The following ARHGAP15 variants were observed in gnomAD, a reference collection of about 807,000 sequenced individuals.
ARHGAP15 encodes Rho GTPase activating protein 15, also known as rho GTPase-activating protein 15.
ARHGAP15 carries 51 observed loss-of-function variants against 63.7 expected under a neutral mutation model. That is an observed-to-expected ratio of 0.80 (90% CI 0.64 to 1.01). The LOEUF is 1.01. Ranked by LOEUF, ARHGAP15 falls within the 50% of genes least tolerant of loss-of-function variation. The probability of loss-of-function intolerance (pLI) is 0.00; values close to 1 mark genes in which losing one functional copy is unlikely to be tolerated. For synonymous variants in ARHGAP15, 191 were observed against 193.8 expected, an observed-to-expected ratio of 0.99 and a Z score of 0.12; for missense variants, 560 against 564.6, an observed-to-expected ratio of 0.99 and a Z score of 0.08.
intron 2 of ARHGAP15, among the ~76,000 whole-genome samples, chr2:143,181,940 C>T (rs1045945021): frequency 3.0e-5 from 3 of 99,854 alleles, no homozygotes; most frequent in Non-Finnish European, 5.7e-5. Context: ...TAATTTCTAG[C>T]TTTTGATTTT....
Position 143,315,532 on chromosome 2 carries a change from G to A in ARHGAP15, c.474+64932G>A, listed in dbSNP as rs191272050. Among the ~76,000 whole-genome samples, 697 of 151,234 alleles carry A rather than the reference G, an allele frequency of 4.6e-3. 1 individual carries two copies. The highest frequency in any genetic ancestry group is 7.6e-3 in the Non-Finnish European group (510 of 67,436). ...AGAATACTAACTGTATTGCCAAGGA[G>A]TGGGACACAGCTGTCTGTATTTTAT... On this transcript the variant is annotated intron_variant, in intron 6 of 13. Coordinates refer to ENST00000295095, the MANE Select transcript of ARHGAP15 (RefSeq NM_018460.4).
At position 143,322,423 on chromosome 2, in the gene ARHGAP15, C is replaced by G. The variant is rs547001187; in HGVS notation, c.474+71823C>G. The stretch of plus-strand genomic sequence containing the variant: ...TTCTCGGTAACTCTCTAGAGCCCAC[C>G]GTAAGTAGCTTGTGAAATGAATGGC... On this transcript the variant is annotated intron_variant, in intron 6 of 13. Transcript: ENST00000295095. Among the ~76,000 whole-genome samples, 7 of 151,838 alleles carry G rather than the reference C, an allele frequency of 4.6e-5. No homozygotes were observed. The South Asian group carries it at 1.5e-3, about 32-fold the overall frequency.
chr2:143,698,122 A>C (rs576782502), intron 12 of ARHGAP15, among the ~76,000 whole-genome samples: 2 of 152,282 alleles, frequency 1.3e-5, no homozygotes, highest in East Asian at 3.9e-4. Context: ...TACTGGGATA[A>C]ACTGGTCTTT....
At chr2:143,626,665 C>T (rs1300609748) in intron 12 of ARHGAP15, among the ~76,000 whole-genome samples, 4 of 152,128 alleles carry the variant, frequency 2.6e-5, no homozygotes, top group Non-Finnish European at 4.4e-5. Flanking sequence ...ATCCTCCCCG[C>T]GATTGGCTAC....
intron 6 of ARHGAP15, among the ~76,000 whole-genome samples, chr2:143,322,423 C>T (rs547001187): frequency 2.0e-5 from 3 of 151,838 alleles, no homozygotes; most frequent in Non-Finnish European, 4.4e-5. Context: ...TAGAGCCCAC[C>T]GTAAGTAGCT....
chr2:143,155,890 C>A (rs1300912150), intron 2 of ARHGAP15, among the ~76,000 whole-genome samples: 18 of 151,728 alleles, frequency 1.2e-4, no homozygotes, highest in Non-Finnish European at 7.4e-5. Flanking sequence ...TGAAGAGCAC[C>A]TTTGACTCAT....
chr2:143,139,796 G>T (rs1444747491), intron 1 of ARHGAP15, among the ~76,000 whole-genome samples: 1 of 152,066 alleles, frequency 6.6e-6, no homozygotes, highest in Admixed American at 6.6e-5. Context: ...TACAGAGATA[G>T]TAGTGGTATT....
At chr2:143,712,404 A>G (rs1305768860) in intron 13 of ARHGAP15, among the ~76,000 whole-genome samples, 1 of 152,190 alleles carries the variant, frequency 6.6e-6, no homozygotes, top group African/African-American at 2.4e-5. Context: ...CCAGTCAAGG[A>G]TAAGATATAT....
At chr2:143,539,591 G>A (rs534262621) in intron 10 of ARHGAP15, among the ~76,000 whole-genome samples, 98 of 152,124 alleles carry the variant, frequency 6.4e-4, no homozygotes, top group African/African-American at 2.1e-3. Context: ...CTTTGTTCTC[G>A]TTGGTTTCAA....
In ARHGAP15 at chr2:143,391,527, G is replaced by A. The variant is rs76745352; in HGVS notation, c.475-44074G>A. Among the ~76,000 whole-genome samples, 44 of 152,160 alleles carry A rather than the reference G, an allele frequency of 2.9e-4. No homozygotes were observed. The East Asian group carries it at 8.3e-3, about 29-fold the overall frequency. ...TGGGGAGCCTGCCTTCAGTCTGGAG[G>A]CCAGTTATTAAGCAAGCACTTAACT... On this transcript the variant is annotated intron_variant, in intron 6 of 13. Coordinates refer to ENST00000295095, the MANE Select transcript of ARHGAP15 (RefSeq NM_018460.4).
intron 13 of ARHGAP15, among the ~76,000 whole-genome samples, chr2:143,738,821 G>A (rs189419414): frequency 1.6e-4 from 24 of 152,236 alleles, no homozygotes; most frequent in Non-Finnish European, 2.9e-5. Context: ...CAGGTTAAAT[G>A]TCCTTAACGC....
chr2:143,181,535 A>G lies in ARHGAP15; in HGVS notation c.166-20599A>G, dbSNP rs555829493. Among the ~76,000 whole-genome samples, 4 of 152,392 alleles carry G rather than the reference A, an allele frequency of 2.6e-5. No individual in the cohort carries two copies. The South Asian group carries it at 8.3e-4, about 32-fold the overall frequency. ...GATAACTTGCTGCAGCTTCTACAACAGCACTTTCAGCTTCACCTTGTACTT... is the reference window on the plus strand; with the variant it reads ...GATAACTTGCTGCAGCTTCTACAACGGCACTTTCAGCTTCACCTTGTACTT... On this transcript the variant is annotated intron_variant, in intron 2 of 13. Coordinates refer to ENST00000295095, the MANE Select transcript of ARHGAP15 (RefSeq NM_018460.4).
intron 6 of ARHGAP15, among the ~76,000 whole-genome samples, chr2:143,297,935 T>C (rs936320614): frequency 6.6e-6 from 1 of 152,026 alleles, no homozygotes; most frequent in African/African-American, 2.4e-5. Context: ...TTAATCTTAG[T>C]GACAAATGTT....
chr2:143,622,705 T>G (rs1369757615), intron 11 of ARHGAP15, among the ~76,000 whole-genome samples: 2 of 151,172 alleles, frequency 1.3e-5, no homozygotes, highest in Non-Finnish European at 2.9e-5. Context: ...TTCACCTTCA[T>G]GTCTTCTCTT....
chr2:143,640,757 G>T (rs1680562235), intron 12 of ARHGAP15: 1 of 151,928 alleles, frequency 6.6e-6, no homozygotes, highest in African/African-American at 2.4e-5. Flanking sequence ...AAACATGACT[G>T]TTTGCATGAT....
chr2:143,726,333 A>G (rs1685275800), intron 13 of ARHGAP15, among the ~76,000 whole-genome samples: 1 of 152,238 alleles, frequency 6.6e-6, no homozygotes, highest in South Asian at 2.1e-4. Flanking sequence ...GGCATTTGCC[A>G]AAGAGGCAGT....
chr2:143,643,348 T>C (rs772384205), intron 12 of ARHGAP15, among the ~76,000 whole-genome samples: 11 of 152,028 alleles, frequency 7.2e-5, no homozygotes, highest in Middle Eastern at 3.4e-3. Flanking sequence ...CCCCAGAAGA[T>C]TGGCCAAATT....
intron 6 of ARHGAP15, among the ~76,000 whole-genome samples, chr2:143,338,509 A>C (rs976358943): frequency 8.5e-5 from 13 of 152,198 alleles, no homozygotes. Flanking sequence ...TCTCTCCAAC[A>C]AATAGAATCA....
At chr2:143,373,649 A>AAC (rs1553470793) in intron 6 of ARHGAP15, among the ~76,000 whole-genome samples, 22 of 127,862 alleles carry the variant, frequency 1.7e-4, no homozygotes, top group Admixed American at 3.4e-4. Flanking sequence ...AAAAAAAAAA[A>AAC]AAAAAAAAAA....
Sources: gnomAD v4.1 joint callset for allele counts (sites outside exome capture counted in the v4.1 genomes callset) on GRCh38, gnomAD v4.1.1 for gene constraint, MANE v1.5 for transcripts, NCBI Gene and HGNC (gene_info 2026-07-23, HGNC 2026-07-21) for gene names.